The following ARHGAP5 variants were observed in gnomAD, a reference collection of about 807,000 sequenced individuals.
ARHGAP5 encodes the protein Rho GTPase activating protein 5.
ARHGAP5 carries 23 observed loss-of-function variants against 116.6 expected under a neutral mutation model. The ratio of observed to expected loss-of-function variants is 0.20; its 90% CI spans 0.14 to 0.28. ARHGAP5 has a LOEUF of 0.28. Ranked by LOEUF, ARHGAP5 falls within the 10% of genes least tolerant of loss-of-function variation. ARHGAP5 has a pLI of 1.00. For synonymous variants in ARHGAP5, 574 were observed against 602.0 expected, an observed-to-expected ratio of 0.95 and a Z score of 0.68; for missense variants, 1,405 against 1,774.8, an observed-to-expected ratio of 0.79 and a Z score of 3.74.
At chr14:32,131,609 G>A (rs992990537) in intron 3 of ARHGAP5, among the ~76,000 whole-genome samples, 1 of 152,002 alleles carries the variant, frequency 6.6e-6, no homozygotes, top group Non-Finnish European at 1.5e-5. Context: ...TATACTTCAA[G>A]TTTTAGGGTA....
Position 32,149,981 on chromosome 14 carries a change from G to C in ARHGAP5, c.4023G>C (p.Leu1341=). The C allele has an allele frequency of 1.2e-6, 2 of 1,608,858 alleles. No individual in the cohort carries two copies. Among genetic ancestry groups the C allele is most frequent in the Non-Finnish European group, 8.5e-7 (1 of 1,177,456 alleles). ...CCCTTAAAGCTTTCTTTGCAGATCTGCCAGATCCTTTAATTCCATATTCTC... is the reference window on the plus strand; with the variant it reads ...CCCTTAAAGCTTTCTTTGCAGATCTCCCAGATCCTTTAATTCCATATTCTC... ...AGALKAFFAD[L]PDPLIPYSLH... The change falls in exon 5 of 7, where the codon CTG becomes CTC. Residue 1341 remains leucine (L), a synonymous_variant. Coordinates refer to ENST00000345122, the MANE Select transcript of ARHGAP5 (RefSeq NM_001030055.2).
intron 3 of ARHGAP5, among the ~76,000 whole-genome samples, chr14:32,140,413 C>T (rs1214060293): frequency 3.4e-5 from 5 of 147,004 alleles, no homozygotes; most frequent in South Asian, 2.2e-4. Flanking sequence ...AACCCCGTCT[C>T]GACTAAAAAT....
intron 3 of ARHGAP5, among the ~76,000 whole-genome samples, chr14:32,130,886 A>G (rs1189018434): frequency 2.6e-5 from 4 of 152,134 alleles, no homozygotes; most frequent in Non-Finnish European, 1.5e-5. Context: ...ATGTTACAAG[A>G]ATAGTATGAT....
intron 5 of ARHGAP5, among the ~76,000 whole-genome samples, chr14:32,151,185 A>C (rs936245328): frequency 6.6e-6 from 1 of 152,228 alleles, no homozygotes; most frequent in African/African-American, 2.4e-5. Context: ...CATTAATAGG[A>C]ACCTCAGAAC....
chr14:32,154,543 G>C (rs1033850459), intron 6 of ARHGAP5, 78 bp from the exon 7 acceptor site: 10 of 1,201,462 alleles, frequency 8.3e-6, no homozygotes, highest in Non-Finnish European at 1.1e-5. Flanking sequence ...CATTAAATCT[G>C]AGATCATTTC....
intron 3 of ARHGAP5, among the ~76,000 whole-genome samples, chr14:32,132,427 G>C (rs1348440179): frequency 6.6e-6 from 1 of 152,048 alleles, no homozygotes; most frequent in East Asian, 1.9e-4. Context: ...CTTTTTGATG[G>C]GGTTGTTTGT....
intron 2 of ARHGAP5, among the ~76,000 whole-genome samples, chr14:32,097,890 A>C (rs1566664314): frequency 1.3e-5 from 2 of 152,236 alleles, no homozygotes; most frequent in Non-Finnish European, 2.9e-5. Context: ...CAGATTATCA[A>C]GTCCCCAGGA....
At chr14:32,078,178 G>C (rs1415124174) in intron 1 of ARHGAP5, 3 of 152,180 alleles carry the variant, frequency 2.0e-5, no homozygotes, top group Admixed American at 2.0e-4. Flanking sequence ...AGCCGCGCGG[G>C]AGCGCGCGCG....
At chr14:32,139,403 T>G (rs1471943486) in intron 3 of ARHGAP5, among the ~76,000 whole-genome samples, 1 of 152,138 alleles carries the variant, frequency 6.6e-6, no homozygotes, top group Non-Finnish European at 1.5e-5. Context: ...ATAGAGCTGT[T>G]GAGATTTTCT....
At position 32,156,995 on chromosome 14, in the gene ARHGAP5, T is replaced by G. The variant is rs1043591511; in HGVS notation, c.*2047T>G. 4 of 152,392 alleles carry G rather than the reference T, an allele frequency of 2.6e-5. No homozygotes were observed. The highest frequency in any genetic ancestry group is 9.6e-5 in the African/African-American group (4 of 41,474). The allele number at this position is 152,392 out of a possible 1,614,324, so 9.4% of individuals were successfully genotyped here. A position where few individuals can be genotyped will look rare whatever the true frequency, so the allele number is the denominator to read the frequency against. On this transcript the variant is annotated 3_prime_UTR_variant, in exon 7 of 7. Coordinates refer to ENST00000345122, the MANE Select transcript of ARHGAP5 (RefSeq NM_001030055.2). ...CTGTTCTCTTTTATACTGTATTAAT[T>G]TAATGTTCATCTGCGTTTAGTACCA...
chr14:32,130,388 T>TTC (rs915226394), intron 3 of ARHGAP5, among the ~76,000 whole-genome samples: 3 of 126,094 alleles, frequency 2.4e-5, no homozygotes, highest in African/African-American at 1.0e-4. Flanking sequence ...ATTTTTTGGG[T>TTC]TTTTTTTTTT....
intron 2 of ARHGAP5, among the ~76,000 whole-genome samples, chr14:32,096,486 A>C (rs1349497792): frequency 1.3e-5 from 2 of 152,210 alleles, no homozygotes; most frequent in Non-Finnish European, 2.9e-5. Flanking sequence ...TAAGCACTGA[A>C]TAAAAAGGAG....
chr14:32,085,522 A>G (rs1026604009), intron 1 of ARHGAP5, among the ~76,000 whole-genome samples: 2 of 152,180 alleles, frequency 1.3e-5, no homozygotes, highest in Non-Finnish European at 2.9e-5. Context: ...GTTGTTTTCT[A>G]TTGCTGCTGA....
chr14:32,123,034 T>G (rs929045781), intron 3 of ARHGAP5, among the ~76,000 whole-genome samples: 6 of 152,136 alleles, frequency 3.9e-5, no homozygotes, highest in Non-Finnish European at 5.9e-5. Flanking sequence ...ATCTCATACC[T>G]AGTGAGATTT....
chr14:32,132,170 A>G (rs1880536401), intron 3 of ARHGAP5, among the ~76,000 whole-genome samples: 1 of 152,202 alleles, frequency 6.6e-6, no homozygotes, highest in African/African-American at 2.4e-5. Flanking sequence ...ACTGACTTCC[A>G]CAATGGTTGA....
At position 32,157,067 on chromosome 14, in the gene ARHGAP5, C is replaced by T. The variant is rs1881922163; in HGVS notation, c.*2119C>T. On this transcript the variant is annotated 3_prime_UTR_variant, in exon 7 of 7. Transcript: ENST00000345122. ...TTTACCGTTTTTCACATTAACCCAC[C>T]TTGCACCTTCCCCCAAACTTATCTC... The T allele has an allele frequency of 6.6e-6, 1 of 152,274 alleles. No individual in the cohort carries two copies. The highest frequency in any genetic ancestry group is 2.4e-5 in the African/African-American group (1 of 41,408). The allele number at this position is 152,274 out of a possible 1,614,324, so 9.4% of individuals were successfully genotyped here. A position where few individuals can be genotyped will look rare whatever the true frequency, so the allele number is the denominator to read the frequency against.
intron 3 of ARHGAP5, among the ~76,000 whole-genome samples, chr14:32,118,436 G>T (rs185711726): frequency 3.0e-4 from 46 of 152,014 alleles, no homozygotes; most frequent in Non-Finnish European, 5.4e-4. Context: ...GGTGAAGGTT[G>T]CAGTGAGCCG....
intron 3 of ARHGAP5, among the ~76,000 whole-genome samples, chr14:32,124,917 C>T (rs1880063811): frequency 6.6e-6 from 1 of 152,002 alleles, no homozygotes; most frequent in African/African-American, 2.4e-5. Flanking sequence ...AAGAGTGGAG[C>T]CCTAAAACAC....
At chr14:32,152,090 T>A (rs542965666) in intron 5 of ARHGAP5, among the ~76,000 whole-genome samples, 7 of 152,244 alleles carry the variant, frequency 4.6e-5, no homozygotes, top group Admixed American at 6.5e-5. Context: ...CATTAGATTC[T>A]CCTAGGAGTG....
Sources: allele counts gnomAD v4.1 joint callset (sites outside exome capture counted in the v4.1 genomes callset), GRCh38; gene constraint gnomAD v4.1.1; transcripts MANE v1.5; gene names NCBI Gene and HGNC (gene_info 2026-07-23, HGNC 2026-07-21).